Variants in SLPI observed in about 807,000 individuals in gnomAD.
The protein encoded by SLPI is secretory leukocyte peptidase inhibitor, also known as antileukoproteinase.
A neutral mutation model predicts 14.3 loss-of-function variants in SLPI; 20 were observed. The observed-to-expected ratio is 1.40, with a 90% CI of 0.99 to 2.04. The LOEUF (loss-of-function observed/expected upper bound fraction) is 2.04, where lower values mean the gene tolerates loss of function less well. SLPI is among the 30% of genes most tolerant of loss of function. SLPI has a pLI of 0.00. For missense variants in SLPI, 169 were observed against 159.4 expected (o/e 1.06, Z -0.32); for synonymous variants, 68 against 54.8 (o/e 1.24, Z -1.07).
At chr20:45,252,511 G>C (rs1984690532) in intron 3 of SLPI, 92 bp from the exon 4 acceptor site, 2 of 1,351,292 alleles carry the variant, frequency 1.5e-6, no homozygotes, top group Admixed American at 1.8e-5. Context: ...TTCTGAGATA[G>C]AGAAAATAGC....
rs552873914 is a variant in SLPI at position 45,254,323 on chromosome 20, T to C, written c.85+136A>G. ...ACAAACCTTGGAGCTCAGCCAGACA[T>C]GTATTCCACCCTCAGGGAGGTCTCC... On this transcript the variant is annotated intron_variant, in intron 1 of 3. Transcript: ENST00000338380. 1,680 of 692,126 alleles carry C rather than the reference T, an allele frequency of 2.4e-3. 20 individuals are homozygous for C. Among genetic ancestry groups the C allele is most frequent in the Non-Finnish European group, 4.8e-4 (192 of 399,220 alleles). The allele number at this position is 692,126 out of a possible 1,614,324, so 42.9% of individuals were successfully genotyped here.
At position 45,252,437 on chromosome 20, in the gene SLPI, A is replaced by G. The variant is rs1406453921; in HGVS notation, c.395-18T>C. On this transcript the variant is annotated intron_variant, in intron 3 of 3. Coordinates refer to ENST00000338380, the MANE Select transcript of SLPI (RefSeq NM_003064.4). The stretch of plus-strand genomic sequence containing the variant: ...GAATCAAGCTGTGAGAGAAAATCAG[A>G]TAAGAGCTTCAGCATAGAAACCAGC... 1.2e-6 allele frequency: 2 copies of G among 1,613,634 alleles called. No individual in the cohort carries two copies. The highest frequency in any genetic ancestry group is 1.7e-6 in the Non-Finnish European group (2 of 1,179,872).
chr20:45,252,511 G>A, intron 3 of SLPI, 92 bp from the exon 4 acceptor site: 1 of 1,351,410 alleles, frequency 7.4e-7, no homozygotes, highest in Non-Finnish European at 1.1e-6. Flanking sequence ...TTCTGAGATA[G>A]AGAAAATAGC....
At position 45,253,151 on chromosome 20, in the gene SLPI, G is replaced by C. The variant is rs756103312; in HGVS notation, c.245C>G (p.Thr82Arg). Residue 82 changes from threonine to arginine, a missense_variant and splice_region_variant, in exon 3 of 4, where the codon ACA becomes AGA. Coordinates refer to ENST00000338380, the MANE Select transcript of SLPI (RefSeq NM_003064.4). ...TGGGCACTTCCCAGGCTTCCTCCTT[G>C]CTGGGTGAGAGTGAGGCTACCGGTC... Reference protein sequence around the residue: ...CLDPVDTPNPTRRKPGKCPVT... With the variant: ...CLDPVDTPNPRRRKPGKCPVT... 1.9e-6 allele frequency: 3 copies of C among 1,613,680 alleles called. No homozygotes were observed. The Admixed American group carries it at 5.0e-5, about 27-fold the overall frequency.
chr20:45,253,372 G>C (rs1199275559), intron 2 of SLPI, among the ~76,000 whole-genome samples: 2 of 152,188 alleles, frequency 1.3e-5, no homozygotes, highest in African/African-American at 2.4e-5. Flanking sequence ...GCCACCCAGT[G>C]CTGACTAGGT....
chr20:45,253,901 A>C (rs1245444906), intron 1 of SLPI, among the ~76,000 whole-genome samples, 168 bp from the exon 2 acceptor site: 2 of 152,148 alleles, frequency 1.3e-5, no homozygotes, highest in East Asian at 3.9e-4. Context: ...GATGGGCTTG[A>C]TTAAATTAGA....
In SLPI at chr20:45,254,523, G is replaced by A; in HGVS notation, c.21C>T (p.Phe7=). The part of the protein sequence containing the change: MKSSGL[F]PFLVLLALGT... ...CCAGGGCAAGCAGCACCAGGAAGGGGAAGAGGCCGCTGGACTTCATGGTGA... is the reference window on the plus strand; with the variant it reads ...CCAGGGCAAGCAGCACCAGGAAGGGAAAGAGGCCGCTGGACTTCATGGTGA... Residue 7 remains phenylalanine, a synonymous_variant, in exon 1 of 4, where the codon TTC becomes TTT. Transcript: ENST00000338380. The A allele has an allele frequency of 6.2e-7, 1 of 1,614,128 alleles. No homozygotes were observed. Among genetic ancestry groups the A allele is most frequent in the Non-Finnish European group, 8.5e-7 (1 of 1,180,004 alleles).
chr20:45,254,545 G>T lies in SLPI; in HGVS notation c.-2C>A. On this transcript the variant is annotated 5_prime_UTR_variant, in exon 1 of 4. Coordinates refer to ENST00000338380, the MANE Select transcript of SLPI (RefSeq NM_003064.4). Reference sequence around the variant, plus strand: ...GGGGAAGAGGCCGCTGGACTTCATGGTGAAGGCAGGAGTGACTCTGATGGC... The same window carrying T: ...GGGGAAGAGGCCGCTGGACTTCATGTTGAAGGCAGGAGTGACTCTGATGGC... 1.9e-6 allele frequency: 3 copies of T among 1,613,738 alleles called. No individual in the cohort carries two copies. The highest frequency in any genetic ancestry group is 2.5e-6 in the Non-Finnish European group (3 of 1,179,824).
chr20:45,252,636 T>G (rs539203196), intron 3 of SLPI, among the ~76,000 whole-genome samples: 4 of 152,350 alleles, frequency 2.6e-5, no homozygotes, highest in Non-Finnish European at 4.4e-5. Flanking sequence ...ACTGATCCTT[T>G]GTGATTTCAC....
chr20:45,252,257 C>T lies in SLPI; in HGVS notation c.*158G>A, dbSNP rs8282. On this transcript the variant is annotated 3_prime_UTR_variant, in exon 4 of 4. Transcript: ENST00000338380. ...CAGGATGTGCAAAGAGAAATAGGCT[C>T]GTTTATTTATTCATTGATCAACTGG... 0.015 allele frequency: 9,185 copies of T among 619,070 alleles called. 334 individuals are homozygous for T. The highest frequency in any genetic ancestry group is 0.1 in the African/African-American group (5,350 of 52,490). 38.3% of individuals were successfully genotyped at this position (619,070 alleles called of 1,614,324 possible).
chr20:45,254,326 A>G (rs1401947597), intron 1 of SLPI, 133 bp downstream of exon 1: 3 of 709,158 alleles, frequency 4.2e-6, no homozygotes, highest in Non-Finnish European at 7.3e-6. Flanking sequence ...CCAGACATGT[A>G]TTCCACCCTC....
chr20:45,254,404 G>A, intron 1 of SLPI, 55 bp downstream of exon 1: 2 of 1,491,118 alleles, frequency 1.3e-6, no homozygotes, highest in South Asian at 1.1e-5. Flanking sequence ...ACACCACAAG[G>A]AGACCCCACC....
chr20:45,254,038 A>G (rs1188885462), intron 1 of SLPI, among the ~76,000 whole-genome samples: 1 of 152,192 alleles, frequency 6.6e-6, no homozygotes, highest in East Asian at 1.9e-4. Flanking sequence ...GGAGATGGAG[A>G]GAGGTAAACA....
chr20:45,253,647 G>C lies in SLPI; in HGVS notation c.172C>G (p.Pro58Ala), dbSNP rs763631448. ...TCAGGACAACATCTCTTCTTCCCTG[G>C]ACACTGCCAGTCACTCTGGCACTCA... Reference protein sequence around the residue: ...KPECQSDWQCPGKKRCCPDTC... With the variant: ...KPECQSDWQCAGKKRCCPDTC... Residue 58 changes from proline (P) to alanine (A), a missense_variant, in exon 2 of 4, where the codon CCA becomes GCA. Pro to Ala is a conservative substitution (Grantham distance 27, BLOSUM62 -1). Coordinates refer to ENST00000338380, the MANE Select transcript of SLPI (RefSeq NM_003064.4). 1.4e-5 allele frequency: 22 copies of C among 1,614,082 alleles called. No individual in the cohort carries two copies. The East Asian group carries it at 4.7e-4, about 34-fold the overall frequency.
chr20:45,254,458 C>T lies in SLPI; in HGVS notation c.85+1G>A. ...ATTAGACCAGAGTGACTCCAACTTA[C>T]ACTTTCCAGAGCCTTCCACAGCCCA... is the stretch of plus-strand genomic sequence containing the variant. On this transcript the variant is annotated splice_donor_variant, in intron 1 of 3. Transcript: ENST00000338380. LOFTEE classifies it high-confidence loss of function. 1.2e-6 allele frequency: 2 copies of T among 1,613,966 alleles called. No individual in the cohort carries two copies. Among genetic ancestry groups the T allele is most frequent in the African/African-American group, 1.3e-5 (1 of 75,038 alleles).
Position 45,253,123 on chromosome 20 carries a change from C to T in SLPI, c.273G>A (p.Val91=). 6.2e-7 allele frequency: 1 copy of T among 1,614,086 alleles called. No individual in the cohort carries two copies. The highest frequency in any genetic ancestry group is 2.2e-5 in the East Asian group (1 of 44,876). ...TAAGCATCAAACATTGGCCATAAGT[C>T]ACTGGGCACTTCCCAGGCTTCCTCC... ...PTRRKPGKCP[V]TYGQCLMLNP... Residue 91 remains valine, a synonymous_variant, in exon 3 of 4, where the codon GTG becomes GTA. Transcript: ENST00000338380.
intron 3 of SLPI, 67 bp downstream of exon 3, chr20:45,252,935 T>C: frequency 1.3e-6 from 2 of 1,550,160 alleles, no homozygotes; most frequent in Non-Finnish European, 8.8e-7. Flanking sequence ...CCCATATGCC[T>C]GGGCCTCCAG....
At chr20:45,252,957 T>G in intron 3 of SLPI, 45 bp downstream of exon 3, 1 of 1,598,868 alleles carries the variant, frequency 6.3e-7, no homozygotes, top group South Asian at 1.1e-5. Flanking sequence ...GGGTTGAGGC[T>G]GAGAGGGCTG....
Position 45,252,304 on chromosome 20 carries a change from G to T in SLPI, c.*111C>A. ...CTGGCACTTCTTGAAAGCCTGCTGT[G>T]TGCCAAGCCTTTCCCCAAAGGAGGA... is the stretch of plus-strand genomic sequence containing the variant. On this transcript the variant is annotated 3_prime_UTR_variant, in exon 4 of 4. Coordinates refer to ENST00000338380, the MANE Select transcript of SLPI (RefSeq NM_003064.4). 2.0e-6 allele frequency: 2 copies of T among 1,019,142 alleles called. No homozygotes were observed. The highest frequency in any genetic ancestry group is 2.9e-6 in the Non-Finnish European group (2 of 679,074). The allele number at this position is 1,019,142 out of a possible 1,614,324, so 63.1% of individuals were successfully genotyped here.
Sources: allele counts gnomAD v4.1 joint callset (sites outside exome capture counted in the v4.1 genomes callset), GRCh38; gene constraint gnomAD v4.1.1; transcripts MANE v1.5; gene names NCBI Gene and HGNC (gene_info 2026-07-23, HGNC 2026-07-21).